CMPK1: variants seen among roughly 807,000 people sequenced by gnomAD.
CMPK1 encodes UMP-CMP kinase.
A neutral mutation model predicts 25.7 loss-of-function variants in CMPK1; 10 were observed. That is an observed-to-expected ratio of 0.39 (90% CI 0.24 to 0.66). CMPK1 has a LOEUF of 0.66. CMPK1 is among the 30% of genes least tolerant of loss of function. The probability of loss-of-function intolerance (pLI) is 0.48; values close to 1 mark genes in which losing one functional copy is unlikely to be tolerated. For missense variants in CMPK1, 199 were observed against 280.5 expected, an observed-to-expected ratio of 0.71 and a Z score of 2.08; for synonymous variants, 106 against 101.5, an observed-to-expected ratio of 1.04 and a Z score of -0.27.
chr1:47,349,292 G>T (rs893294604), intron 1 of CMPK1, among the ~76,000 whole-genome samples: 1 of 152,210 alleles, frequency 6.6e-6, no homozygotes, highest in African/African-American at 2.4e-5. Flanking sequence ...GAGGCCTGTT[G>T]TGGAATAATA....
intron 1 of CMPK1, chr1:47,358,657 A>G (rs1484807122): frequency 1.2e-5 from 12 of 986,638 alleles, no homozygotes; most frequent in Non-Finnish European, 1.4e-5. Context: ...ACTCTAGTTC[A>G]GTGTTCTGAG....
In CMPK1 at chr1:47,334,039, C is replaced by G; in HGVS notation, c.94C>G (p.Leu32Val). 1 of 1,553,846 alleles carries G rather than the reference C, an allele frequency of 6.4e-7. No individual in the cohort carries two copies. Among genetic ancestry groups the G allele is most frequent in the East Asian group, 2.4e-5 (1 of 41,006 alleles). Residue 32 changes from leucine (L) to valine (V), a missense_variant, in exon 1 of 6, where the codon CTC (leucine) becomes GTC (valine). Leu to Val is a conservative substitution (Grantham distance 32). Transcript: ENST00000371873. ...RRPILLCSPR[L>V]MKPLVVFVLG... ...GCCGATTCTCCTCTGCTCTCCACGTCTCATGAAGCCGCTGGTCGTGTTCGT... is the reference window on the plus strand; with the variant it reads ...GCCGATTCTCCTCTGCTCTCCACGTGTCATGAAGCCGCTGGTCGTGTTCGT...
intron 1 of CMPK1, among the ~76,000 whole-genome samples, chr1:47,353,420 T>C (rs574309845): frequency 2.3e-4 from 35 of 152,320 alleles, no homozygotes; most frequent in African/African-American, 7.9e-4. Flanking sequence ...TTCTCCTTTG[T>C]TTAAGGAGTG....
intron 1 of CMPK1, among the ~76,000 whole-genome samples, chr1:47,361,113 G>A (rs1031936676): frequency 1.7e-4 from 26 of 152,110 alleles, no homozygotes; most frequent in African/African-American, 6.3e-4. Context: ...TGGACTTGTT[G>A]GGCGTGGTGG....
intron 1 of CMPK1, among the ~76,000 whole-genome samples, chr1:47,350,544 GC>G (rs1164401932): frequency 6.6e-6 from 1 of 152,104 alleles, no homozygotes; most frequent in Admixed American, 6.6e-5. Context: ...GAGCCACTGT[GC>G]CCAGCTATTT....
chr1:47,368,400 G>GA lies in CMPK1; in HGVS notation c.172-62dup. The GA allele has an allele frequency of 2.3e-6, 3 of 1,329,336 alleles. No individual in the cohort carries two copies. The South Asian group carries it at 5.7e-5, about 25-fold the overall frequency. 82.3% of individuals were successfully genotyped at this position (1,329,336 alleles called of 1,614,324 possible). A position where few individuals can be genotyped will look rare whatever the true frequency, so the allele number is the denominator to read the frequency against. The stretch of plus-strand genomic sequence containing the variant: ...TTAGAATATAGAAATTAACACAAAG[G>GA]AAAAAAAGTATAGTCCTACCACTGG... On this transcript the variant is annotated intron_variant, in intron 1 of 5. Coordinates refer to ENST00000371873, the MANE Select transcript of CMPK1 (RefSeq NM_016308.3).
intron 2 of CMPK1, among the ~76,000 whole-genome samples, chr1:47,372,518 A>C (rs1646683870): frequency 6.6e-6 from 1 of 152,210 alleles, no homozygotes; most frequent in African/African-American, 2.4e-5. Context: ...ACGACTTGGG[A>C]AGAGCAAAGG....
chr1:47,340,482 A>T (rs1310704472), intron 1 of CMPK1, among the ~76,000 whole-genome samples: 5 of 152,144 alleles, frequency 3.3e-5, no homozygotes, highest in Non-Finnish European at 7.3e-5. Context: ...CTCTCAATGA[A>T]TGAATCAATG....
At chr1:47,373,283 A>G (rs1038943260) in intron 3 of CMPK1, 176 bp downstream of exon 3, 2 of 440,672 alleles carry the variant, frequency 4.5e-6, no homozygotes, top group Non-Finnish European at 7.6e-6. Context: ...ACTATTTGGC[A>G]TTAGCAGCCT....
At chr1:47,373,180 T>A in intron 3 of CMPK1, 73 bp downstream of exon 3, 1 of 1,369,500 alleles carries the variant, frequency 7.3e-7, no homozygotes, top group South Asian at 1.5e-5. Flanking sequence ...AACAAAGGAT[T>A]TTTTAACTTA....
Position 47,342,862 on chromosome 1 carries a change from T to C in CMPK1, c.171+8746T>C, listed in dbSNP as rs574515479. 2.7e-3 allele frequency among the ~76,000 whole-genome samples: 411 copies of C among 150,860 alleles called. 3 individuals carry two copies. Among genetic ancestry groups the C allele is most frequent in the African/African-American group, 9.2e-3 (377 of 41,180 alleles). On this transcript the variant is annotated intron_variant, in intron 1 of 5. Transcript: ENST00000371873. ...ATGGGGTTTCACCATGTTGGCCAGGTTGGTCTCAAACTCCTGGCTTTGTGA... is the reference window on the plus strand; with the variant it reads ...ATGGGGTTTCACCATGTTGGCCAGGCTGGTCTCAAACTCCTGGCTTTGTGA...
intron 1 of CMPK1, among the ~76,000 whole-genome samples, chr1:47,345,241 A>G (rs749047150): frequency 1.3e-5 from 2 of 151,826 alleles, no homozygotes; most frequent in Non-Finnish European, 2.9e-5. Context: ...ATGGTTTTTG[A>G]AATGCCTTAG....
rs1646373796 is a variant in CMPK1 at position 47,333,901 on chromosome 1, G to C, written c.-45G>C. The C allele has an allele frequency of 2.4e-5, 28 of 1,189,420 alleles. No individual in the cohort carries two copies. The highest frequency in any genetic ancestry group is 3.8e-5 in the East Asian group (1 of 26,068). 73.7% of individuals were successfully genotyped at this position (1,189,420 alleles called of 1,614,324 possible). A position where few individuals can be genotyped will look rare whatever the true frequency, so the allele number is the denominator to read the frequency against. ...GCCTCCCCGCCCCGCCCCGCGCCGC[G>C]CCGGCCGCTGTCAGCTCCCTCAGCG... On this transcript the variant is annotated 5_prime_UTR_variant, in exon 1 of 6. Transcript: ENST00000371873.
intron 1 of CMPK1, among the ~76,000 whole-genome samples, chr1:47,363,850 G>A (rs995142868): frequency 1.3e-5 from 2 of 152,108 alleles, no homozygotes; most frequent in African/African-American, 2.4e-5. Context: ...CGTTGAGGCA[G>A]GAGAATCGCT....
chr1:47,355,134 C>T (rs1165212924), intron 1 of CMPK1, among the ~76,000 whole-genome samples: 1 of 151,904 alleles, frequency 6.6e-6, no homozygotes, highest in Non-Finnish European at 1.5e-5. Context: ...GCAACCTCTG[C>T]CTGCTGGGTT....
chr1:47,333,891 C>CCCGCG lies in CMPK1; in HGVS notation c.-46_-42dup, dbSNP rs1235209752. 69 of 1,190,676 alleles carry CCCGCG rather than the reference C, an allele frequency of 5.8e-5. No individual in the cohort carries two copies. Among genetic ancestry groups the CCCGCG allele is most frequent in the East Asian group, 2.2e-4 (6 of 27,120 alleles). The allele number at this position is 1,190,676 out of a possible 1,614,324, so 73.8% of individuals were successfully genotyped here. A position where few individuals can be genotyped will look rare whatever the true frequency, so the allele number is the denominator to read the frequency against. ...TTCTCCCGCCGCCTCCCCGCCCCGC[C>CCCGCG]CCGCGCCGCGCCGGCCGCTGTCAGC... On this transcript the variant is annotated 5_prime_UTR_variant, in exon 1 of 6. Coordinates refer to ENST00000371873, the MANE Select transcript of CMPK1 (RefSeq NM_016308.3).
intron 1 of CMPK1, chr1:47,358,259 C>T (rs1235003895): frequency 4.2e-6 from 2 of 472,010 alleles, no homozygotes; most frequent in Non-Finnish European, 8.3e-6. Context: ...ACTACAGGTG[C>T]ACGTCACCAT....
chr1:47,335,759 GTTTT>G (rs1318771876), intron 1 of CMPK1, among the ~76,000 whole-genome samples: 1 of 149,750 alleles, frequency 6.7e-6, no homozygotes, highest in Non-Finnish European at 1.5e-5. Context: ...TTCTTTTGTT[GTTTT>G]TTTGTTTTTG....
chr1:47,369,896 C>T (rs1311074880), intron 2 of CMPK1, among the ~76,000 whole-genome samples: 3 of 120,304 alleles, frequency 2.5e-5, no homozygotes, highest in Non-Finnish European at 5.1e-5. Context: ...CTCTTTCTTT[C>T]TTCTTTCTCT....
Sources: gnomAD v4.1 joint callset for allele counts (sites outside exome capture counted in the v4.1 genomes callset) on GRCh38, gnomAD v4.1.1 for gene constraint, MANE v1.5 for transcripts, NCBI Gene and HGNC (gene_info 2026-07-23, HGNC 2026-07-21) for gene names.